Variants in ATG7 observed in about 807,000 individuals in gnomAD.
The protein encoded by ATG7 is autophagy related 7, also known as ubiquitin-like modifier-activating enzyme ATG7.
A neutral mutation model predicts 82.4 loss-of-function variants in ATG7; 70 were observed. The observed-to-expected ratio is 0.85, with a 90% CI of 0.70 to 1.04. The LOEUF is 1.04. Among genes scored for constraint, ATG7 ranks in the 50% least tolerant of loss-of-function variants. The pLI, the probability that ATG7 is intolerant of heterozygous loss-of-function variation, is 0.00. For missense variants in ATG7, 792 were observed against 864.3 expected, an observed-to-expected ratio of 0.92 and a Z score of 1.05; for synonymous variants, 287 against 313.0, an observed-to-expected ratio of 0.92 and a Z score of 0.88.
chr3:11,484,418 AAAC>A (rs2089380311), intron 20 of ATG7, among the ~76,000 whole-genome samples: 2 of 151,972 alleles, frequency 1.3e-5, no homozygotes, highest in Non-Finnish European at 2.9e-5. Context: ...ACAAACAAAA[AAAC>A]CACAAAAACG....
chr3:11,550,603 G>A (rs1436819461), intron 20 of ATG7, among the ~76,000 whole-genome samples: 5 of 151,962 alleles, frequency 3.3e-5, no homozygotes, highest in Middle Eastern at 6.3e-3. Flanking sequence ...TCCTTATGTT[G>A]CCCAGGCTGG....
Position 11,485,859 on chromosome 3 carries a change from C to T in ATG7, c.2079+58933C>T, listed in dbSNP as rs538549287. 1.5e-4 allele frequency among the ~76,000 whole-genome samples: 23 copies of T among 152,092 alleles called. No individual in the cohort carries two copies. The South Asian group carries it at 2.5e-3, about 17-fold the overall frequency. The stretch of plus-strand genomic sequence containing the variant: ...CAAAGATCAGATAGTTGTAGATATG[C>T]GACGTTATTTCTGAGGGCTCTGTTC... On this transcript the variant is annotated intron_variant, in intron 20 of 20. Coordinates refer to ENST00000693202, the MANE Select transcript of ATG7 (RefSeq NM_001349232.2).
chr3:11,391,967 G>C (rs1415298007), intron 19 of ATG7, among the ~76,000 whole-genome samples: 2 of 130,712 alleles, frequency 1.5e-5, no homozygotes, highest in Non-Finnish European at 3.2e-5. Flanking sequence ...TTGGGGGGGG[G>C]GTAATTTCAC....
the ATG7 span, among the ~76,000 whole-genome samples, chr3:11,564,223 T>G: frequency 5.3e-5 from 8 of 152,212 alleles, no homozygotes; most frequent in Admixed American, 3.9e-4. Flanking sequence ...CTGTGTTTAT[T>G]AAGCAATCAT....
intron 20 of ATG7, among the ~76,000 whole-genome samples, chr3:11,548,083 A>C (rs960383482): frequency 6.6e-6 from 1 of 152,044 alleles, no homozygotes; most frequent in Non-Finnish European, 1.5e-5. Context: ...GGCTCAAGTG[A>C]CCTTCCCACC....
intron 20 of ATG7, among the ~76,000 whole-genome samples, chr3:11,526,619 TGTTA>T (rs1284214211): frequency 6.6e-6 from 1 of 152,258 alleles, no homozygotes; most frequent in Non-Finnish European, 1.5e-5. Context: ...TGACCTATCT[TGTTA>T]GTTGTAACAG....
At chr3:11,286,911 T>A (rs1033348301) in intron 3 of ATG7, among the ~76,000 whole-genome samples, 4 of 6,350 alleles carry the variant, frequency 6.3e-4, no homozygotes, top group African/African-American at 1.3e-3. Context: ...AACCTTTTTT[T>A]ATTATTATTA....
intron 20 of ATG7, among the ~76,000 whole-genome samples, chr3:11,457,058 A>G (rs984531555): frequency 3.3e-5 from 5 of 152,212 alleles, no homozygotes; most frequent in Non-Finnish European, 7.3e-5. Flanking sequence ...ATGTATCACC[A>G]AGGATGAAAA....
chr3:11,339,050 A>G lies in ATG7; in HGVS notation c.890-1595A>G, dbSNP rs187724525. ...GGTAACTCATGCCTGTAATCCCACCACTTTGGGAGGCCAAGGCGGGTGGAT... is the reference window on the plus strand; with the variant it reads ...GGTAACTCATGCCTGTAATCCCACCGCTTTGGGAGGCCAAGGCGGGTGGAT... On this transcript the variant is annotated intron_variant, in intron 11 of 20. Transcript: ENST00000693202. Among the ~76,000 whole-genome samples, 330 of 152,312 alleles carry G rather than the reference A, an allele frequency of 2.2e-3. 1 individual carries two copies. The highest frequency in any genetic ancestry group is 7.4e-3 in the African/African-American group (309 of 41,574).
the ATG7 span, among the ~76,000 whole-genome samples, chr3:11,574,783 ATATGTGTG>A: frequency 2.5e-3 from 275 of 111,846 alleles, no homozygotes; most frequent in South Asian, 7.0e-3. Flanking sequence ...ATTCAACTAT[ATATGTGTG>A]TGTGTGTGTG....
chr3:11,499,285 T>A (rs752229285), intron 20 of ATG7, among the ~76,000 whole-genome samples: 1 of 152,134 alleles, frequency 6.6e-6, no homozygotes, highest in Admixed American at 6.5e-5. Flanking sequence ...ACATGGGTTT[T>A]CACACATACT....
intron 20 of ATG7, among the ~76,000 whole-genome samples, chr3:11,462,885 ATTTATT>A (rs2086471594): frequency 7.4e-6 from 1 of 135,594 alleles, no homozygotes; most frequent in Non-Finnish European, 1.6e-5. Flanking sequence ...TTATTTATTT[ATTTATT>A]TATTTATTTT....
intron 20 of ATG7, among the ~76,000 whole-genome samples, chr3:11,460,481 A>T (rs2086200868): frequency 6.6e-6 from 1 of 152,226 alleles, no homozygotes; most frequent in African/African-American, 2.4e-5. Context: ...GGGAGAGGGT[A>T]GCACCAGAGC....
chr3:11,418,934 C>T (rs896978677), intron 19 of ATG7, among the ~76,000 whole-genome samples: 4 of 152,056 alleles, frequency 2.6e-5, no homozygotes, highest in African/African-American at 4.8e-5. Flanking sequence ...CATGAGAACT[C>T]GCTATCGCAA....
Position 11,342,125 on chromosome 3 carries a change from C to T in ATG7, c.981-10C>T. The T allele has an allele frequency of 6.2e-7, 1 of 1,608,372 alleles. No homozygotes were observed. Among genetic ancestry groups the T allele is most frequent in the Non-Finnish European group, 8.5e-7 (1 of 1,178,364 alleles). On this transcript the variant is annotated splice_polypyrimidine_tract_variant and intron_variant, in intron 12 of 20. Transcript: ENST00000693202. ...GGAGTGACTGAATAAGTAAATCTCT[C>T]CTTTTCTAGGTTAGCTGAGTCATCA...
At chr3:11,540,513 C>T (rs1168888645) in intron 20 of ATG7, among the ~76,000 whole-genome samples, 1 of 151,938 alleles carries the variant, frequency 6.6e-6, no homozygotes, top group Non-Finnish European at 1.5e-5. Flanking sequence ...TGGTGGTGCG[C>T]ACCTGTGGTC....
intron 20 of ATG7, among the ~76,000 whole-genome samples, chr3:11,516,465 T>C (rs1362783829): frequency 6.6e-6 from 1 of 152,150 alleles, no homozygotes; most frequent in East Asian, 1.9e-4. Flanking sequence ...AGTGAGAATG[T>C]GGAGCAACAG....
chr3:11,439,040 G>A (rs1041413342), intron 20 of ATG7, among the ~76,000 whole-genome samples: 82 of 148,498 alleles, frequency 5.5e-4, no homozygotes, highest in African/African-American at 2.0e-3. Flanking sequence ...TGAGCTCTTA[G>A]TCTTATTTTC....
At chr3:11,461,792 C>T (rs1313773139) in intron 20 of ATG7, among the ~76,000 whole-genome samples, 2 of 151,748 alleles carry the variant, frequency 1.3e-5, no homozygotes, top group South Asian at 2.1e-4. Context: ...TTTGGGAGGC[C>T]GAAGCGGGCG....
Sources: allele counts gnomAD v4.1 joint callset (sites outside exome capture counted in the v4.1 genomes callset), GRCh38; gene constraint gnomAD v4.1.1; transcripts MANE v1.5; gene names NCBI Gene and HGNC (gene_info 2026-07-23, HGNC 2026-07-21).